Variants in SLC9D1 observed in about 807,000 individuals in gnomAD.
The protein encoded by SLC9D1 is putative LAG1-interacting protein.
chr13:113,501,910 C>G, the SLC9D1 span: 2 of 1,558,784 alleles, frequency 1.3e-6, no homozygotes, highest in Non-Finnish European at 1.8e-6. Context: ...GTTTTGGTAT[C>G]TGTTTAACAG....
the SLC9D1 span, chr13:113,549,342 CAGTG>C: frequency 1.3e-6 from 2 of 1,490,812 alleles, no homozygotes. Flanking sequence ...CCTCCCAGCT[CAGTG>C]AGACCAGCCC....
chr13:113,533,971 C>A, the SLC9D1 span: 2 of 1,179,298 alleles, frequency 1.7e-6, no homozygotes, highest in South Asian at 1.5e-5. Flanking sequence ...AAGAAAAAAA[C>A]TGAAAGATTA....
the SLC9D1 span, among the ~76,000 whole-genome samples, chr13:113,517,392 C>A: frequency 6.6e-6 from 1 of 152,034 alleles, no homozygotes; most frequent in Non-Finnish European, 1.5e-5. Context: ...GCCACCACGC[C>A]CGGCTAATTC....
At chr13:113,501,821 A>G in the SLC9D1 span, 5 of 1,610,472 alleles carry the variant, frequency 3.1e-6, no homozygotes, top group Admixed American at 5.0e-5. Flanking sequence ...ATTGCCTACA[A>G]TGTTTGGTTA....
the SLC9D1 span, among the ~76,000 whole-genome samples, chr13:113,519,756 T>C: frequency 6.6e-6 from 1 of 150,978 alleles, no homozygotes; most frequent in Non-Finnish European, 1.5e-5. Context: ...GGACACCAAG[T>C]CTGTCTTGGT....
At chr13:113,503,949 A>G in the SLC9D1 span, 32 of 177,254 alleles carry the variant, frequency 1.8e-4, no homozygotes, top group African/African-American at 6.6e-4. Context: ...AACTTTGTCA[A>G]TTGGAAGTGA....
the SLC9D1 span, among the ~76,000 whole-genome samples, chr13:113,540,527 C>T: frequency 4.6e-5 from 7 of 152,280 alleles, no homozygotes; most frequent in East Asian, 1.9e-4. Context: ...TTGTGTTGGC[C>T]GTGTGAATGT....
At chr13:113,523,765 ATT>A in the SLC9D1 span, among the ~76,000 whole-genome samples, 5 of 151,928 alleles carry the variant, frequency 3.3e-5, no homozygotes, top group African/African-American at 1.2e-4. Flanking sequence ...ACTGCTGTAA[ATT>A]TCCCTCTCAG....
the SLC9D1 span, chr13:113,520,754 A>G: frequency 1.1e-5 from 17 of 1,530,582 alleles, no homozygotes; most frequent in East Asian, 3.6e-4. Context: ...TGTGTACGCA[A>G]TTTGTTTTTA....
the SLC9D1 span, among the ~76,000 whole-genome samples, chr13:113,533,750 G>A: frequency 6.6e-6 from 1 of 152,186 alleles, no homozygotes; most frequent in East Asian, 1.9e-4. Context: ...GAATTTTATC[G>A]TCAGGCATCA....
chr13:113,509,832 G>T, the SLC9D1 span, among the ~76,000 whole-genome samples: 1 of 152,172 alleles, frequency 6.6e-6, no homozygotes, highest in Non-Finnish European at 1.5e-5. Context: ...CTATAGAGCC[G>T]CTTCGAATGC....
At chr13:113,503,212 TG>T in the SLC9D1 span, among the ~76,000 whole-genome samples, 1 of 152,164 alleles carries the variant, frequency 6.6e-6, no homozygotes, top group Non-Finnish European at 1.5e-5. Flanking sequence ...TACAACTGGA[TG>T]CTGTAAAAAT....
At chr13:113,534,512 G>A in the SLC9D1 span, 1 of 479,998 alleles carries the variant, frequency 2.1e-6, no homozygotes, top group Non-Finnish European at 3.7e-6. Context: ...CCGTGGGCCG[G>A]GTATAGTGGC....
the SLC9D1 span, chr13:113,529,891 A>G: frequency 6.6e-6 from 1 of 152,250 alleles, no homozygotes; most frequent in African/African-American, 2.4e-5. Flanking sequence ...ATTTTATTGT[A>G]TGAGAGTTTC....
the SLC9D1 span, chr13:113,534,122 G>A: frequency 2.6e-6 from 4 of 1,561,012 alleles, no homozygotes; most frequent in East Asian, 2.5e-5. Context: ...TTTCTTTTAT[G>A]TCTTGTTATA....
chr13:113,520,703 T>C, the SLC9D1 span: 1 of 1,613,862 alleles, frequency 6.2e-7, no homozygotes, highest in Non-Finnish European at 8.5e-7. Flanking sequence ...ATGCCGACTC[T>C]CATACAGGCG....
chr13:113,510,410 G>T, the SLC9D1 span: 1 of 1,612,460 alleles, frequency 6.2e-7, no homozygotes. Context: ...GGCAGTGCTC[G>T]GGGTGACAAA....
At chr13:113,543,076 TA>T in the SLC9D1 span, among the ~76,000 whole-genome samples, 62 of 16,246 alleles carry the variant, frequency 3.8e-3, no homozygotes, top group African/African-American at 0.016. Context: ...CCTCCCGCCC[TA>T]CCTCTGTCTG....
At chr13:113,518,576 G>A in the SLC9D1 span, among the ~76,000 whole-genome samples, 296 of 152,316 alleles carry the variant, frequency 1.9e-3, no homozygotes, top group Non-Finnish European at 3.4e-3. Flanking sequence ...TGTTATCTGC[G>A]GAAGATGTGG....
Sources: allele counts gnomAD v4.1 joint callset (sites outside exome capture counted in the v4.1 genomes callset), GRCh38; gene constraint gnomAD v4.1.1; transcripts MANE v1.5; gene names NCBI Gene and HGNC (gene_info 2026-07-23, HGNC 2026-07-21).